EML6: variants seen among roughly 807,000 people sequenced by gnomAD.
EML6 encodes echinoderm microtubule-associated protein-like 6.
EML6 carries 154 observed loss-of-function variants against 240.1 expected under a neutral mutation model. The observed-to-expected ratio is 0.64, with a 90% CI of 0.56 to 0.73. EML6 has a LOEUF of 0.73. Among genes scored for constraint, EML6 ranks in the 30% least tolerant of loss-of-function variants. The pLI is 0.00. For synonymous variants in EML6, 1,148 were observed against 899.0 expected, an observed-to-expected ratio of 1.28 and a Z score of -4.95; for missense variants, 2,964 against 2,474.6, an observed-to-expected ratio of 1.20 and a Z score of -4.20.
intron 24 of EML6, among the ~76,000 whole-genome samples, chr2:54,907,937 TAGATAGATAAGATAGA>T (rs1358966361): frequency 1.4e-3 from 54 of 38,926 alleles, no homozygotes; most frequent in South Asian, 5.7e-3. Flanking sequence ...GATAGATAGA[TAGATAGATAAGATAGA>T]TAGATAGATA....
At chr2:54,966,765 G>A (rs544999099) in intron 38 of EML6, 5 of 289,668 alleles carry the variant, frequency 1.7e-5, no homozygotes, top group South Asian at 7.2e-5. Context: ...TCAGAGAACC[G>A]CTATCTTAGG....
At chr2:54,884,646 A>AT (rs1475899151) in intron 17 of EML6, among the ~76,000 whole-genome samples, 1 of 152,250 alleles carries the variant, frequency 6.6e-6, no homozygotes, top group Non-Finnish European at 1.5e-5. Flanking sequence ...GGGAGAATTG[A>AT]AGACCACATA....
At position 54,853,652 on chromosome 2, in the gene EML6, C is replaced by G. The variant is rs1325716278; in HGVS notation, c.1454C>G (p.Pro485Arg). ...RLFYRMPSGK[P>R]LTSKEEIKGI... ...TATTGATTATTTTCAGCTGGGAAGC[C>G]TTTAACAAGTAAAGAAGAAATTAAA... Residue 485 changes from proline (P) to arginine (R), a missense_variant, in exon 11 of 42, where the codon CCT becomes CGT. Pro to Arg is a moderately radical substitution (Grantham distance 103). Transcript: ENST00000356458. 3 of 1,541,536 alleles carry G rather than the reference C, an allele frequency of 1.9e-6. No homozygotes were observed. The East Asian group carries it at 7.4e-5, about 38-fold the overall frequency.
chr2:54,761,361 A>G (rs1667974673), intron 2 of EML6, among the ~76,000 whole-genome samples: 1 of 152,154 alleles, frequency 6.6e-6, no homozygotes, highest in Admixed American at 6.5e-5. Context: ...TATTTTTATT[A>G]ATTGGGGAAA....
intron 28 of EML6, among the ~76,000 whole-genome samples, chr2:54,937,553 TAAAAA>T (rs34682923): frequency 1.0e-4 from 7 of 68,204 alleles, no homozygotes; most frequent in Admixed American, 4.3e-4. Context: ...ACTCTGTCTT[TAAAAA>T]AAAAAAAAAA....
chr2:54,822,891 C>T (rs1176084549), intron 5 of EML6, among the ~76,000 whole-genome samples: 2 of 152,064 alleles, frequency 1.3e-5, no homozygotes, highest in Non-Finnish European at 2.9e-5. Flanking sequence ...AAAAGTGTAA[C>T]ATATTCCATC....
At chr2:54,749,889 C>CAT in intron 2 of EML6, among the ~76,000 whole-genome samples, 1 of 152,176 alleles carries the variant, frequency 6.6e-6, no homozygotes, top group Non-Finnish European at 1.5e-5. Flanking sequence ...AAAATAATGA[C>CAT]ATGAATTTAA....
intron 2 of EML6, among the ~76,000 whole-genome samples, chr2:54,809,679 G>C (rs2104022168): frequency 6.6e-6 from 1 of 152,262 alleles, no homozygotes. Flanking sequence ...CCAAAGATGT[G>C]TGGAATTTTA....
At chr2:54,789,041 C>G (rs1361687239) in intron 2 of EML6, among the ~76,000 whole-genome samples, 1 of 152,084 alleles carries the variant, frequency 6.6e-6, no homozygotes, top group Non-Finnish European at 1.5e-5. Flanking sequence ...TTTATTCTTT[C>G]TTATATCCAT....
intron 7 of EML6, among the ~76,000 whole-genome samples, chr2:54,835,989 G>A (rs996734367): frequency 1.3e-4 from 20 of 152,092 alleles, no homozygotes; most frequent in Non-Finnish European, 2.6e-4. Flanking sequence ...TCCCGCGGGC[G>A]GCTCCATTAC....
At chr2:54,925,452 C>G (rs887171658) in intron 26 of EML6, among the ~76,000 whole-genome samples, 1 of 152,192 alleles carries the variant, frequency 6.6e-6, no homozygotes, top group African/African-American at 2.4e-5. Flanking sequence ...CCTGTGAGAT[C>G]TTATTACCAC....
intron 13 of EML6, among the ~76,000 whole-genome samples, chr2:54,865,623 G>A (rs1670931019): frequency 6.6e-6 from 1 of 152,198 alleles, no homozygotes; most frequent in African/African-American, 2.4e-5. Flanking sequence ...GGAGCATTTT[G>A]TGTTTTGGTT....
At chr2:54,833,625 A>G (rs1038860140) in intron 7 of EML6, among the ~76,000 whole-genome samples, 10 of 152,168 alleles carry the variant, frequency 6.6e-5, no homozygotes, top group African/African-American at 2.4e-4. Flanking sequence ...CTTCTCCCCA[A>G]GGGTTAGTCA....
chr2:54,796,492 G>A (rs777784253), intron 2 of EML6, among the ~76,000 whole-genome samples: 5 of 149,056 alleles, frequency 3.4e-5, no homozygotes, highest in East Asian at 2.0e-4. Flanking sequence ...GTTTTGGTAA[G>A]TTTTTTTTTT....
At chr2:54,776,015 C>T (rs1668578533) in intron 2 of EML6, among the ~76,000 whole-genome samples, 1 of 152,070 alleles carries the variant, frequency 6.6e-6, no homozygotes, top group Non-Finnish European at 1.5e-5. Context: ...TTAATATTGG[C>T]AAGTAAGAAT....
intron 37 of EML6, 135 bp from the exon 38 acceptor site, chr2:54,964,435 AG>A: frequency 1.3e-6 from 1 of 795,698 alleles, no homozygotes; most frequent in South Asian, 1.9e-5. Flanking sequence ...ATGCCAGGAG[AG>A]GCTGACCACA....
At position 54,891,141 on chromosome 2, in the gene EML6, C is replaced by G. The variant is rs1045345414; in HGVS notation, c.2526C>G (p.Phe842Leu). The change falls in exon 18 of 42, where the codon TTC becomes TTG. Residue 842 changes from phenylalanine (F) to leucine (L), a missense_variant. By Grantham distance (22) the Phe-to-Leu change is conservative (BLOSUM62 0). Transcript: ENST00000356458. ...CAGTTGGGATAAAACACATCAAATT[C>G]TGGCAACAAGCAGGTACTGTCGTTT... ...LVTVGIKHIK[F>L]WQQAGGGFTS... 1 of 1,472,926 alleles carries G rather than the reference C, an allele frequency of 6.8e-7. No individual in the cohort carries two copies. The highest frequency in any genetic ancestry group is 9.2e-7 in the Non-Finnish European group (1 of 1,088,814). The allele number at this position is 1,472,926 out of a possible 1,614,324, so 91.2% of individuals were successfully genotyped here.
intron 25 of EML6, among the ~76,000 whole-genome samples, chr2:54,913,453 A>T (rs1202928757): frequency 6.6e-6 from 1 of 152,006 alleles, no homozygotes; most frequent in Non-Finnish European, 1.5e-5. Flanking sequence ...GGGTTTTGCC[A>T]TGTTGCTCAG....
At chr2:54,951,256 G>A (rs770873496) in intron 30 of EML6, among the ~76,000 whole-genome samples, 7 of 152,122 alleles carry the variant, frequency 4.6e-5, no homozygotes, top group East Asian at 1.9e-4. Flanking sequence ...TACCAGGCCC[G>A]GCAAGGTGGC....
Sources: gnomAD v4.1 joint callset for allele counts (sites outside exome capture counted in the v4.1 genomes callset) on GRCh38, gnomAD v4.1.1 for gene constraint, MANE v1.5 for transcripts, NCBI Gene and HGNC (gene_info 2026-07-23, HGNC 2026-07-21) for gene names.